Variants in FOXP2 observed in about 807,000 individuals in gnomAD.
FOXP2 encodes the protein forkhead box P2.
Under a neutral mutation model 115.8 loss-of-function variants are expected in FOXP2, and 12 were observed. That is an observed-to-expected ratio of 0.10 (90% CI 0.07 to 0.17). FOXP2 has a LOEUF of 0.17. Ranked by LOEUF, FOXP2 falls within the 10% of genes least tolerant of loss-of-function variation. The pLI, the probability that FOXP2 is intolerant of heterozygous loss-of-function variation, is 1.00. For missense variants in FOXP2, 629 were observed against 843.5 expected, an observed-to-expected ratio of 0.75 and a Z score of 3.15; for synonymous variants, 328 against 297.7, an observed-to-expected ratio of 1.10 and a Z score of -1.05.
chr7:114,155,841 A>G (rs1482236131), intron 1 of FOXP2, among the ~76,000 whole-genome samples: 1 of 152,128 alleles, frequency 6.6e-6, no homozygotes, highest in African/African-American at 2.4e-5. Flanking sequence ...TGGGTGACTT[A>G]AGAGATCAAA....
intron 2 of FOXP2, among the ~76,000 whole-genome samples, chr7:114,318,386 T>G (rs889253188): frequency 6.6e-6 from 1 of 150,824 alleles, no homozygotes; most frequent in Admixed American, 6.6e-5. Context: ...TTTGTTTTTT[T>G]TTTTTTTTTT....
intron 1 of FOXP2, among the ~76,000 whole-genome samples, chr7:114,262,223 A>C (rs189677735): frequency 1.3e-5 from 2 of 152,110 alleles, no homozygotes; most frequent in Non-Finnish European, 2.9e-5. Flanking sequence ...CAGGAGTTCA[A>C]GACCAGCCTG....
chr7:114,552,341 T>C (rs191998593), intron 3 of FOXP2, among the ~76,000 whole-genome samples: 6 of 152,314 alleles, frequency 3.9e-5, no homozygotes, highest in Non-Finnish European at 7.4e-5. Context: ...ACTGACTGTA[T>C]GACCTTCAGG....
At chr7:114,192,938 T>G (rs1793801728) in intron 1 of FOXP2, among the ~76,000 whole-genome samples, 1 of 152,148 alleles carries the variant, frequency 6.6e-6, no homozygotes, top group Non-Finnish European at 1.5e-5. Context: ...TGCTTTATAT[T>G]TCATTTACTC....
intron 1 of FOXP2, among the ~76,000 whole-genome samples, chr7:114,221,111 A>G (rs531522415): frequency 1.1e-4 from 16 of 152,264 alleles, no homozygotes; most frequent in African/African-American, 3.8e-4. Flanking sequence ...TATTGAAGTT[A>G]AAGTTTGTGA....
At position 114,652,190 on chromosome 7, in the gene FOXP2, T is replaced by C; in HGVS notation, c.1095-13T>C. 6.2e-7 allele frequency: 1 copy of C among 1,612,264 alleles called. No homozygotes were observed. The highest frequency in any genetic ancestry group is 8.5e-7 in the Non-Finnish European group (1 of 1,178,688). ...TCACTTTACATTCTGTTTTGTGTCT[T>C]CTGTTTGTTTAGGCACCTTAACAAT... On this transcript the variant is annotated splice_polypyrimidine_tract_variant and intron_variant, in intron 8 of 16. Transcript: ENST00000350908.
At chr7:114,630,208 T>C (rs1804825929) in intron 5 of FOXP2, among the ~76,000 whole-genome samples, 1 of 152,172 alleles carries the variant, frequency 6.6e-6, no homozygotes, top group Admixed American at 6.5e-5. Flanking sequence ...TACAATCTAA[T>C]GCTGCTGTCG....
At chr7:114,265,472 C>G (rs1795874101) in intron 1 of FOXP2, among the ~76,000 whole-genome samples, 1 of 152,196 alleles carries the variant, frequency 6.6e-6, no homozygotes, top group Non-Finnish European at 1.5e-5. Flanking sequence ...TAGGGGTCAG[C>G]CCTTGCGCTT....
intron 2 of FOXP2, among the ~76,000 whole-genome samples, chr7:114,386,816 A>G (rs1479997410): frequency 1.3e-5 from 2 of 152,242 alleles, no homozygotes; most frequent in African/African-American, 2.4e-5. Context: ...TTATTCAATG[A>G]CATTTAGTTT....
chr7:114,107,696 G>A (rs916155066), intron 1 of FOXP2, among the ~76,000 whole-genome samples: 28 of 151,934 alleles, frequency 1.8e-4, no homozygotes, highest in Non-Finnish European at 3.1e-4. Context: ...ATAATAAAAA[G>A]CACATGCTTA....
intron 2 of FOXP2, among the ~76,000 whole-genome samples, chr7:114,525,130 A>G (rs1798798835): frequency 6.6e-6 from 1 of 152,206 alleles, no homozygotes. Flanking sequence ...CCATTAGTTA[A>G]AATGTACATA....
At chr7:114,087,996 G>T (rs1233108279) in intron 1 of FOXP2, among the ~76,000 whole-genome samples, 1 of 152,062 alleles carries the variant, frequency 6.6e-6, no homozygotes, top group African/African-American at 2.4e-5. Context: ...CGCTTGGGAC[G>T]CTCCGCAGAA....
chr7:114,354,200 T>A (rs1472757823), intron 2 of FOXP2, among the ~76,000 whole-genome samples: 1 of 152,136 alleles, frequency 6.6e-6, no homozygotes. Context: ...CTTGGGCCTT[T>A]GTACTCATAC....
At position 114,348,053 on chromosome 7, in the gene FOXP2, T is replaced by C. The variant is rs193271762; in HGVS notation, c.-11+59944T>C. Among the ~76,000 whole-genome samples the C allele has an allele frequency of 2.6e-5, 4 of 152,204 alleles. No individual in the cohort carries two copies. The East Asian group carries it at 5.8e-4, about 22-fold the overall frequency. ...ATGCCTTTACTATTTTTTAATCTTA[T>C]TTGTTTGATAATACAGACAAGATTC... On this transcript the variant is annotated intron_variant, in intron 2 of 17. Coordinates refer to the FOXP2 transcript ENST00000634411.
intron 1 of FOXP2, among the ~76,000 whole-genome samples, chr7:114,286,258 T>C (rs1584608544): frequency 6.6e-6 from 1 of 152,138 alleles, no homozygotes; most frequent in East Asian, 1.9e-4. Flanking sequence ...CCTGCAGCTG[T>C]ACTGGGCTTT....
chr7:114,566,383 G>A (rs2189013), intron 3 of FOXP2, among the ~76,000 whole-genome samples: 2,183 of 152,214 alleles, frequency 0.014, 27 homozygotes, highest in Middle Eastern at 0.058. Flanking sequence ...TTTGGGTCAT[G>A]AGAGTGGATT....
intron 3 of FOXP2, among the ~76,000 whole-genome samples, chr7:114,613,593 T>C (rs1322728780): frequency 2.7e-5 from 4 of 150,782 alleles, no homozygotes; most frequent in Non-Finnish European, 5.9e-5. Flanking sequence ...GAGAATGGCA[T>C]GAACCCGGGA....
intron 1 of FOXP2, among the ~76,000 whole-genome samples, chr7:114,090,018 T>C (rs1369004578): frequency 6.6e-6 from 1 of 151,956 alleles, no homozygotes; most frequent in African/African-American, 2.4e-5. Context: ...TAAAAGGGAT[T>C]TTATTTGTGA....
chr7:114,679,240 C>A (rs1032934293), intron 16 of FOXP2, among the ~76,000 whole-genome samples: 2 of 152,032 alleles, frequency 1.3e-5, no homozygotes, highest in African/African-American at 2.4e-5. Flanking sequence ...GCTGGGATTA[C>A]AGGCGTGAAC....
Sources: allele counts gnomAD v4.1 joint callset (sites outside exome capture counted in the v4.1 genomes callset), GRCh38; gene constraint gnomAD v4.1.1; transcripts MANE v1.5; gene names NCBI Gene and HGNC (gene_info 2026-07-23, HGNC 2026-07-21).